Variants in FLT1 observed in about 807,000 individuals in gnomAD.
The protein encoded by FLT1 is vascular endothelial growth factor receptor 1.
Under a neutral mutation model 156.3 loss-of-function variants are expected in FLT1, and 49 were observed. That is an observed-to-expected ratio of 0.31 (90% CI 0.25 to 0.40). The LOEUF is 0.40. Ranked by LOEUF, FLT1 falls within the 10% of genes least tolerant of loss-of-function variation. The pLI is 1.00. For missense variants in FLT1, 1,322 were observed against 1,637.2 expected (o/e 0.81, Z 3.32); for synonymous variants, 594 against 583.8 (o/e 1.02, Z -0.25).
At chr13:28,405,032 A>G (rs537112633) in intron 11 of FLT1, among the ~76,000 whole-genome samples, 89 of 149,896 alleles carry the variant, frequency 5.9e-4, no homozygotes, top group African/African-American at 2.0e-3. Context: ...AAAAAAAAAA[A>G]AAAAGAAAAG....
At chr13:28,431,013 A>C (rs922518660) in intron 7 of FLT1, 123 bp downstream of exon 7, 1 of 866,478 alleles carries the variant, frequency 1.2e-6, no homozygotes, top group Non-Finnish European at 1.9e-6. Context: ...AACCATGGCC[A>C]AGCTGTATTC....
At chr13:28,431,090 T>C in intron 7 of FLT1, 46 bp downstream of exon 7, 1 of 1,490,122 alleles carries the variant, frequency 6.7e-7, no homozygotes, top group Non-Finnish European at 9.4e-7. Context: ...ACATCTACAA[T>C]GATTAGAAAG....
chr13:28,366,165 T>G (rs1334405484), intron 14 of FLT1, among the ~76,000 whole-genome samples: 1 of 152,190 alleles, frequency 6.6e-6, no homozygotes, highest in Non-Finnish European at 1.5e-5. Context: ...CAGATCAACT[T>G]ATATAGATCT....
intron 10 of FLT1, among the ~76,000 whole-genome samples, chr13:28,424,009 G>C (rs1291643626): frequency 2.0e-5 from 3 of 151,560 alleles, no homozygotes; most frequent in Non-Finnish European, 4.4e-5. Flanking sequence ...GGAGTGCAGT[G>C]GTGCGATCTC....
intron 15 of FLT1, among the ~76,000 whole-genome samples, chr13:28,353,639 T>C (rs199870782): frequency 6.6e-6 from 1 of 152,002 alleles, no homozygotes; most frequent in East Asian, 1.9e-4. Context: ...TTATAAAGCA[T>C]AGCTTAAGTC....
chr13:28,336,461 C>G (rs1038058747), intron 17 of FLT1, among the ~76,000 whole-genome samples: 5 of 152,196 alleles, frequency 3.3e-5, no homozygotes, highest in African/African-American at 1.2e-4. Flanking sequence ...CACTAACTAG[C>G]TCGGAAGTGT....
chr13:28,412,365 T>TTTCTTTCCTTCC (rs1566013017), intron 10 of FLT1, among the ~76,000 whole-genome samples: 3 of 95,312 alleles, frequency 3.1e-5, no homozygotes, highest in African/African-American at 1.0e-4. Flanking sequence ...TCTTTCTTTC[T>TTTCTTTCCTTCC]TTCTTTCTTT....
chr13:28,472,364 C>T (rs1245555450), intron 1 of FLT1, among the ~76,000 whole-genome samples: 1 of 152,158 alleles, frequency 6.6e-6, no homozygotes, highest in African/African-American at 2.4e-5. Context: ...TTCAAAGCTG[C>T]CATGATGGAT....
intron 12 of FLT1, among the ~76,000 whole-genome samples, chr13:28,394,838 T>A (rs943690645): frequency 2.0e-5 from 3 of 152,184 alleles, no homozygotes; most frequent in African/African-American, 7.2e-5. Context: ...AAGGCTGATT[T>A]AAATCTGCTT....
At chr13:28,442,211 C>G (rs1878368689) in intron 3 of FLT1, among the ~76,000 whole-genome samples, 1 of 152,216 alleles carries the variant, frequency 6.6e-6, no homozygotes, top group African/African-American at 2.4e-5. Flanking sequence ...TTTCCTTCCT[C>G]TTGTGAGTCT....
chr13:28,463,842 T>C (rs1314652337), intron 3 of FLT1, among the ~76,000 whole-genome samples: 1 of 152,166 alleles, frequency 6.6e-6, no homozygotes, highest in African/African-American at 2.4e-5. Flanking sequence ...ATTAGACTCC[T>C]CGGAAAAGTT....
intron 14 of FLT1, among the ~76,000 whole-genome samples, chr13:28,377,818 A>G (rs1200185209): frequency 6.6e-6 from 1 of 152,222 alleles, no homozygotes; most frequent in African/African-American, 2.4e-5. Context: ...TGTTTTTAAT[A>G]TGCTTTAAAA....
chr13:28,301,061 A>T lies in FLT1; in HGVS notation c.*2106T>A, dbSNP rs556442435. 1.3e-5 allele frequency: 3 copies of T among 232,554 alleles called. No individual in the cohort carries two copies. In the South Asian group the frequency reaches 5.4e-4, roughly 42 times the overall value. The allele number at this position is 232,554 out of a possible 1,614,324, so 14.4% of individuals were successfully genotyped here. ...TAATGGTTTTGCTTTTCTCTTGAAA[A>T]GGAGTATTTATTATGGTCTCTTAAT... is the stretch of plus-strand genomic sequence containing the variant. On this transcript the variant is annotated 3_prime_UTR_variant, in exon 30 of 30. Transcript: ENST00000282397.
intron 3 of FLT1, among the ~76,000 whole-genome samples, chr13:28,456,493 A>G (rs1016060337): frequency 3.9e-5 from 6 of 152,150 alleles, no homozygotes; most frequent in Non-Finnish European, 8.8e-5. Flanking sequence ...CTATGGAAAC[A>G]GTAAGAAAGA....
intron 28 of FLT1, among the ~76,000 whole-genome samples, chr13:28,307,187 A>AT (rs1003052645): frequency 6.6e-6 from 1 of 151,900 alleles, no homozygotes; most frequent in Non-Finnish European, 1.5e-5. Context: ...ACATCATTCG[A>AT]TTTTTTTTCT....
chr13:28,305,889 G>A (rs1024852897), intron 29 of FLT1, among the ~76,000 whole-genome samples: 1 of 152,188 alleles, frequency 6.6e-6, no homozygotes, highest in Non-Finnish European at 1.5e-5. Flanking sequence ...GGACACCCCT[G>A]CTAATGGCAG....
intron 3 of FLT1, among the ~76,000 whole-genome samples, chr13:28,462,775 G>A (rs985161480): frequency 1.7e-4 from 26 of 152,022 alleles, no homozygotes; most frequent in Non-Finnish European, 8.8e-5. Context: ...CAAGGCCAAC[G>A]AATCCCCCAA....
At chr13:28,385,454 T>C in intron 13 of FLT1, 1 of 939,020 alleles carries the variant, frequency 1.1e-6, no homozygotes, top group Non-Finnish European at 1.3e-6. Context: ...AATATAATTT[T>C]GTGTGAGTTT....
At chr13:28,468,944 G>A (rs1880001220) in intron 1 of FLT1, among the ~76,000 whole-genome samples, 1 of 152,150 alleles carries the variant, frequency 6.6e-6, no homozygotes, top group Non-Finnish European at 1.5e-5. Flanking sequence ...TGCTACAGAG[G>A]CTGAGCCTCC....
Sources: gnomAD v4.1 joint callset for allele counts (sites outside exome capture counted in the v4.1 genomes callset) on GRCh38, gnomAD v4.1.1 for gene constraint, MANE v1.5 for transcripts, NCBI Gene and HGNC (gene_info 2026-07-23, HGNC 2026-07-21) for gene names.